FUT8: variants seen among roughly 807,000 people sequenced by gnomAD.
The protein encoded by FUT8 is fucosyltransferase 8.
Under a neutral mutation model 71.3 loss-of-function variants are expected in FUT8, and 29 were observed. The ratio of observed to expected loss-of-function variants is 0.41; its 90% CI spans 0.30 to 0.55. The LOEUF is 0.55. Among genes scored for constraint, FUT8 ranks in the 20% least tolerant of loss-of-function variants. The pLI is 0.34. For missense variants in FUT8, 544 were observed against 702.1 expected, an observed-to-expected ratio of 0.77 and a Z score of 2.55; for synonymous variants, 254 against 239.3, an observed-to-expected ratio of 1.06 and a Z score of -0.57.
At chr14:65,678,607 C>T (rs1892880482) in intron 7 of FUT8, among the ~76,000 whole-genome samples, 1 of 152,124 alleles carries the variant, frequency 6.6e-6, no homozygotes, top group Non-Finnish European at 1.5e-5. Flanking sequence ...TGTCTTGGAG[C>T]TCTAATATGT....
chr14:65,375,075 G>C, the FUT8 span, among the ~76,000 whole-genome samples: 1 of 152,090 alleles, frequency 6.6e-6, no homozygotes, highest in Non-Finnish European at 1.5e-5. Flanking sequence ...GGGGTGGGGT[G>C]GTCATTTCTT....
chr14:65,612,469 T>C (rs1889051581), intron 3 of FUT8, among the ~76,000 whole-genome samples: 1 of 152,220 alleles, frequency 6.6e-6, no homozygotes, highest in Admixed American at 6.5e-5. Flanking sequence ...CTAATCCTTT[T>C]AGAGAGTTCT....
At chr14:65,615,932 C>A in intron 3 of FUT8, 46 bp from the exon 4 acceptor site, 1 of 1,342,250 alleles carries the variant, frequency 7.5e-7, no homozygotes, top group Non-Finnish European at 1.0e-6. Context: ...TATTTTGTTG[C>A]ACAGTTTGAA....
rs999071356 is a variant in FUT8 at position 65,669,821 on chromosome 14, AAGT to A, written c.835+345_835+347del. ...TTTAATATGAAGTAATCATCATATAAAGTAGTCCAGTTTATATGGACTACTATA... is the reference window on the plus strand; with the variant it reads ...TTTAATATGAAGTAATCATCATATAAAGTCCAGTTTATATGGACTACTATA... On this transcript the variant is annotated intron_variant, in intron 7 of 10. Coordinates refer to ENST00000673929, the MANE Select transcript of FUT8 (RefSeq NM_001371533.1). This position sits in a 1 kb window ranked among gnomAD's most constrained non-coding sequence, Gnocchi z 4.5. Among the ~76,000 whole-genome samples, 1 of 152,170 alleles carries A rather than the reference AAGT, an allele frequency of 6.6e-6. No individual in the cohort carries two copies. The highest frequency in any genetic ancestry group is 2.4e-5 in the African/African-American group (1 of 41,430).
At chr14:65,537,465 G>T (rs1213005245) in intron 2 of FUT8, among the ~76,000 whole-genome samples, 1 of 152,098 alleles carries the variant, frequency 6.6e-6, no homozygotes, top group African/African-American at 2.4e-5. Context: ...TCAGCTCACT[G>T]TAAGCTCCGC....
the FUT8 span, among the ~76,000 whole-genome samples, chr14:65,384,304 A>C: frequency 2.0e-5 from 3 of 152,194 alleles, no homozygotes; most frequent in Non-Finnish European, 4.4e-5. This position sits in a 1 kb window ranked among gnomAD's most constrained non-coding sequence, Gnocchi z 4.2. Flanking sequence ...GGTGGAGTGC[A>C]GTGGTGTGAT....
At chr14:65,707,790 G>T (rs1290589150) in intron 7 of FUT8, among the ~76,000 whole-genome samples, 1 of 152,040 alleles carries the variant, frequency 6.6e-6, no homozygotes, top group African/African-American at 2.4e-5. Flanking sequence ...AAATACTTGG[G>T]TTTATTTCTG....
intron 2 of FUT8, among the ~76,000 whole-genome samples, chr14:65,496,387 G>T (rs1314517113): frequency 4.6e-5 from 7 of 152,082 alleles, no homozygotes; most frequent in African/African-American, 1.7e-4. Flanking sequence ...ATTTATAAGA[G>T]TATCTGATAT....
intron 2 of FUT8, among the ~76,000 whole-genome samples, chr14:65,462,943 CACTTA>C (rs1298501331): frequency 3.9e-5 from 6 of 152,128 alleles, no homozygotes; most frequent in Middle Eastern, 3.2e-3. Context: ...ATTGTCTCAC[CACTTA>C]ACTTAAGGAT....
chr14:65,516,717 A>G (rs1427137146), intron 2 of FUT8, among the ~76,000 whole-genome samples: 5 of 152,056 alleles, frequency 3.3e-5, no homozygotes, highest in African/African-American at 1.2e-4. Flanking sequence ...AGTAATATAC[A>G]TCCCCCCTTT....
chr14:65,474,440 T>TAAAAAAAAAAAA (rs1236807241), intron 2 of FUT8, among the ~76,000 whole-genome samples: 1 of 18,724 alleles, frequency 5.3e-5, no homozygotes, highest in Non-Finnish European at 1.0e-4. Context: ...CTGTCTCTAC[T>TAAAAAAAAAAAA]GAAAAAAAAA....
chr14:65,705,250 A>C (rs1454878742), intron 7 of FUT8, among the ~76,000 whole-genome samples: 4 of 152,190 alleles, frequency 2.6e-5, no homozygotes, highest in Non-Finnish European at 4.4e-5. Flanking sequence ...ACAGTGGCTG[A>C]AAAACAACAG....
chr14:65,632,997 TCTCCCCTCC>T lies in FUT8; in HGVS notation c.597+3393_597+3401del, dbSNP rs1890274909. Reference sequence around the variant, plus strand: ...GTGTCCTTTGCTCTCCCCTCTCCCCTCTCCCCTCCCCCCCCCCGTCTCCCCAGGGTCTCC... The same window carrying T: ...GTGTCCTTTGCTCTCCCCTCTCCCCTCCCCCCCCGTCTCCCCAGGGTCTCC... On this transcript the variant is annotated intron_variant, in intron 6 of 10. Transcript: ENST00000673929. 4.6e-5 allele frequency among the ~76,000 whole-genome samples: 5 copies of T among 108,900 alleles called. No homozygotes were observed. The South Asian group carries it at 1.3e-3, about 29-fold the overall frequency. 71.4% of individuals were successfully genotyped at this position (108,900 alleles called of 152,430 possible). A position where few individuals can be genotyped will look rare whatever the true frequency, so the allele number is the denominator to read the frequency against.
At chr14:65,560,115 G>T (rs1429679035) in intron 2 of FUT8, among the ~76,000 whole-genome samples, 1 of 152,084 alleles carries the variant, frequency 6.6e-6, no homozygotes, top group Non-Finnish European at 1.5e-5. Context: ...GATTTAAGGT[G>T]CAAACATAGA....
the FUT8 span, among the ~76,000 whole-genome samples, chr14:65,367,587 C>G: frequency 1.6e-4 from 24 of 152,180 alleles, no homozygotes; most frequent in African/African-American, 5.3e-4. Context: ...ATTCTGAAGC[C>G]CTCAGGAGGC....
intron 2 of FUT8, among the ~76,000 whole-genome samples, chr14:65,466,778 T>G (rs1371765214): frequency 6.6e-6 from 1 of 152,118 alleles, no homozygotes; most frequent in Non-Finnish European, 1.5e-5. Context: ...GAAATTATTT[T>G]TTAGTTGTTG....
chr14:65,537,172 G>A (rs1884373225), intron 2 of FUT8, among the ~76,000 whole-genome samples: 1 of 151,412 alleles, frequency 6.6e-6, no homozygotes, highest in Non-Finnish European at 1.5e-5. Flanking sequence ...GTGCTTCTTA[G>A]CTTGCTTAGA....
At chr14:65,693,714 T>G (rs1233393190) in intron 7 of FUT8, among the ~76,000 whole-genome samples, 3 of 152,264 alleles carry the variant, frequency 2.0e-5, no homozygotes, top group Non-Finnish European at 4.4e-5. Context: ...TAGAATGATT[T>G]AGGAAGGATT....
intron 8 of FUT8, 117 bp from the exon 9 acceptor site, chr14:65,724,030 G>C (rs1895556646): frequency 1.5e-6 from 1 of 672,782 alleles, no homozygotes; most frequent in Non-Finnish European, 2.3e-6. Context: ...TAGTGAAAAT[G>C]AAAGAAAAAT....
Sources: gnomAD v4.1 joint callset for allele counts (sites outside exome capture counted in the v4.1 genomes callset) on GRCh38, gnomAD v4.1.1 for gene constraint, Gnocchi (gnomAD v3.1) non-coding constraint, MANE v1.5 for transcripts, NCBI Gene and HGNC (gene_info 2026-07-23, HGNC 2026-07-21) for gene names.